The following CADM2 variants were observed in gnomAD, a reference collection of about 807,000 sequenced individuals.
CADM2 encodes the protein cell adhesion molecule 2, also known as immunoglobulin superfamily member 4D.
Under a neutral mutation model 49.8 loss-of-function variants are expected in CADM2, and 12 were observed. The observed-to-expected ratio is 0.24, with a 90% CI of 0.15 to 0.39. The LOEUF (loss-of-function observed/expected upper bound fraction) is 0.39. CADM2 is among the 10% of genes least tolerant of loss of function. The pLI is 1.00. For synonymous variants in CADM2, 214 were observed against 175.4 expected (o/e 1.22, Z -1.74); for missense variants, 378 against 492.3 (o/e 0.77, Z 2.20).
chr3:85,926,254 TG>T (rs1257692440), intron 6 of CADM2, among the ~76,000 whole-genome samples: 2 of 152,082 alleles, frequency 1.3e-5, no homozygotes, highest in Admixed American at 6.6e-5. Flanking sequence ...GAATTCTGTT[TG>T]TTTTTTTGGG....
intron 1 of CADM2, among the ~76,000 whole-genome samples, chr3:85,636,386 T>G (rs2064484637): frequency 6.6e-6 from 1 of 152,038 alleles, no homozygotes; most frequent in East Asian, 1.9e-4. Flanking sequence ...GCTTATAAAA[T>G]AAGGATATAA....
At chr3:85,706,922 C>T (rs2066968121) in intron 1 of CADM2, among the ~76,000 whole-genome samples, 2 of 152,036 alleles carry the variant, frequency 1.3e-5, no homozygotes, top group Non-Finnish European at 2.9e-5. Context: ...TATAATTATG[C>T]ATATGTATCT....
intron 7 of CADM2, among the ~76,000 whole-genome samples, chr3:85,958,147 G>A (rs1000586909): frequency 2.0e-5 from 3 of 151,888 alleles, no homozygotes; most frequent in Admixed American, 6.6e-5. Flanking sequence ...GATATGAACA[G>A]GCACTTCTCA....
At position 85,010,222 on chromosome 3, in the gene CADM2, C is replaced by T. The variant is rs114327281; in HGVS notation, c.61+50554C>T. Among the ~76,000 whole-genome samples the T allele has an allele frequency of 6.1e-3, 932 of 152,206 alleles. 15 individuals carry two copies. The highest frequency in any genetic ancestry group is 0.021 in the African/African-American group (892 of 41,546). On this transcript the variant is annotated intron_variant, in intron 1 of 9. Coordinates refer to ENST00000383699, the MANE Select transcript of CADM2 (RefSeq NM_001167675.2). ...CAACCCAAGATCCAAATTGCCACAT[C>T]AGAGTTCAATGATAGTCACCTCTCT...
chr3:85,759,912 A>C (rs1016252553), intron 2 of CADM2, among the ~76,000 whole-genome samples: 1 of 152,286 alleles, frequency 6.6e-6, no homozygotes, highest in South Asian at 2.1e-4. Flanking sequence ...TACTATAAAT[A>C]TCTTCTATGA....
intron 3 of CADM2, among the ~76,000 whole-genome samples, chr3:85,836,327 T>C (rs2074408480): frequency 6.6e-6 from 1 of 151,642 alleles, no homozygotes. Flanking sequence ...TAATAATTTA[T>C]TCCAGTGAAA....
At chr3:85,302,364 A>G (rs2044122390) in intron 1 of CADM2, among the ~76,000 whole-genome samples, 1 of 152,044 alleles carries the variant, frequency 6.6e-6, no homozygotes, top group South Asian at 2.1e-4. Context: ...CTTTTGGACA[A>G]TGCAGGAATC....
intron 4 of CADM2, among the ~76,000 whole-genome samples, chr3:85,885,507 C>T (rs1713482921): frequency 6.6e-6 from 1 of 152,030 alleles, no homozygotes; most frequent in Non-Finnish European, 1.5e-5. Flanking sequence ...ACCCCCACCT[C>T]CCCGTATCTA....
intron 3 of CADM2, among the ~76,000 whole-genome samples, chr3:85,841,783 T>G (rs2074649656): frequency 6.6e-6 from 1 of 152,082 alleles, no homozygotes; most frequent in Non-Finnish European, 1.5e-5. Flanking sequence ...AACATTATTC[T>G]TTGTTTAATA....
chr3:85,817,409 A>G (rs752786303), intron 3 of CADM2, among the ~76,000 whole-genome samples: 15 of 141,084 alleles, frequency 1.1e-4, no homozygotes, highest in Non-Finnish European at 2.3e-4. Context: ...CACATAGTCC[A>G]CCCTTCTTTT....
At chr3:85,241,882 C>T (rs1307741614) in intron 1 of CADM2, among the ~76,000 whole-genome samples, 1 of 151,482 alleles carries the variant, frequency 6.6e-6, no homozygotes, top group African/African-American at 2.4e-5. Context: ...GCAGAGCTAA[C>T]ATATAATAAA....
chr3:85,087,830 C>T (rs896649698), intron 1 of CADM2, among the ~76,000 whole-genome samples: 1 of 152,100 alleles, frequency 6.6e-6, no homozygotes, highest in East Asian at 1.9e-4. Flanking sequence ...TAAAGGAAGT[C>T]CAACCACAAA....
intron 1 of CADM2, among the ~76,000 whole-genome samples, chr3:85,525,431 T>G (rs2061139750): frequency 6.6e-6 from 1 of 152,202 alleles, no homozygotes; most frequent in Non-Finnish European, 1.5e-5. Context: ...ACATTATATT[T>G]AGTAGTCATA....
chr3:85,705,210 T>C (rs938343949), intron 1 of CADM2, among the ~76,000 whole-genome samples: 12 of 144,324 alleles, frequency 8.3e-5, no homozygotes, highest in African/African-American at 3.1e-4. Flanking sequence ...TAAATTATAA[T>C]GGGGTTCAAG....
intron 1 of CADM2, among the ~76,000 whole-genome samples, chr3:85,615,684 T>G (rs2063784942): frequency 6.6e-6 from 1 of 151,732 alleles, no homozygotes; most frequent in Non-Finnish European, 1.5e-5. Context: ...GATAGCATCA[T>G]GTGAATTGGT....
At chr3:85,578,801 A>G (rs1275305914) in intron 1 of CADM2, among the ~76,000 whole-genome samples, 1 of 152,164 alleles carries the variant, frequency 6.6e-6, no homozygotes, top group Admixed American at 6.5e-5. Context: ...ATTAGTTTCT[A>G]ATTTCTGTTG....
intron 2 of CADM2, among the ~76,000 whole-genome samples, chr3:85,783,968 C>T (rs1396824699): frequency 6.6e-6 from 1 of 152,132 alleles, no homozygotes; most frequent in Non-Finnish European, 1.5e-5. Context: ...AACAATGGGA[C>T]TTGAAATTAC....
chr3:85,550,231 A>G (rs1016336798), intron 1 of CADM2, among the ~76,000 whole-genome samples: 21 of 152,136 alleles, frequency 1.4e-4, no homozygotes, highest in Non-Finnish European at 2.5e-4. Flanking sequence ...TGGGGCTGAA[A>G]AGATGTGGGG....
intron 7 of CADM2, among the ~76,000 whole-genome samples, chr3:85,957,276 T>G (rs971959571): frequency 2.6e-5 from 4 of 151,562 alleles, no homozygotes; most frequent in Non-Finnish European, 5.9e-5. Flanking sequence ...ACTAGGGGAG[T>G]GATTTGTCTA....
Sources: gnomAD v4.1 joint callset for allele counts (sites outside exome capture counted in the v4.1 genomes callset) on GRCh38, gnomAD v4.1.1 for gene constraint, MANE v1.5 for transcripts, NCBI Gene and HGNC (gene_info 2026-07-23, HGNC 2026-07-21) for gene names.